The following LRMDA variants were observed in gnomAD, a reference collection of about 807,000 sequenced individuals.
LRMDA encodes the protein leucine-rich melanocyte differentiation-associated protein.
Under a neutral mutation model 29.8 loss-of-function variants are expected in LRMDA, and 18 were observed. The ratio of observed to expected loss-of-function variants is 0.60; its 90% CI spans 0.42 to 0.90. The LOEUF (loss-of-function observed/expected upper bound fraction) is 0.90, where lower values mean the gene tolerates loss of function less well. LRMDA is among the 40% of genes least tolerant of loss of function. The pLI is 0.00. For missense variants in LRMDA, 273 were observed against 273.9 expected (o/e 1.00, Z 0.02); for synonymous variants, 125 against 109.4 (o/e 1.14, Z -0.89).
chr10:76,365,423 T>A (rs1841381600), intron 6 of LRMDA, among the ~76,000 whole-genome samples: 12 of 152,154 alleles, frequency 7.9e-5, no homozygotes, highest in Admixed American at 7.9e-4. Flanking sequence ...GTTTTTTGAT[T>A]TTTTTATTAT....
chr10:75,998,239 T>C (rs2132466385), intron 2 of LRMDA, among the ~76,000 whole-genome samples: 1 of 152,326 alleles, frequency 6.6e-6, no homozygotes, highest in South Asian at 2.1e-4. Context: ...ATTCCTATTC[T>C]ATAGTATTTG....
intron 5 of LRMDA, among the ~76,000 whole-genome samples, chr10:76,287,254 C>A (rs185122067): frequency 1.3e-5 from 2 of 152,172 alleles, no homozygotes; most frequent in Admixed American, 1.3e-4. Flanking sequence ...TGGCTGTGGA[C>A]TATCTTTATT....
rs114994618 is a variant in LRMDA at position 76,238,249 on chromosome 10, C to T, written c.517-86152C>T. ...ATGGCACATGGTGCTTGTGGTGAGC[C>T]GGGGTTGAGTTAGACTTTAGCTATG... is the stretch of plus-strand genomic sequence containing the variant. On this transcript the variant is annotated intron_variant, in intron 5 of 6. Coordinates refer to ENST00000611255, the MANE Select transcript of LRMDA (RefSeq NM_001305581.2). 5.4e-3 allele frequency among the ~76,000 whole-genome samples: 825 copies of T among 152,100 alleles called. 14 individuals are homozygous for T. The highest frequency in any genetic ancestry group is 0.045 in the East Asian group (230 of 5,158).
At chr10:75,471,706 G>GC (rs1554892513) in intron 2 of LRMDA, among the ~76,000 whole-genome samples, 1 of 152,124 alleles carries the variant, frequency 6.6e-6, no homozygotes, top group Non-Finnish European at 1.5e-5. Flanking sequence ...TTTACCTCAT[G>GC]CTGACGTACT....
chr10:75,582,617 A>G (rs964284312), intron 2 of LRMDA, among the ~76,000 whole-genome samples: 64 of 152,310 alleles, frequency 4.2e-4, no homozygotes, highest in African/African-American at 1.4e-3. Context: ...GGCCTCTGAA[A>G]TGCTTTCAAG....
chr10:76,372,995 C>A (rs1841473043), intron 6 of LRMDA, among the ~76,000 whole-genome samples: 1 of 152,110 alleles, frequency 6.6e-6, no homozygotes, highest in African/African-American at 2.4e-5. Flanking sequence ...TGTAAGATTT[C>A]CAGCTCTTCA....
chr10:75,446,111 T>C (rs1215875280), intron 2 of LRMDA, among the ~76,000 whole-genome samples: 1 of 152,246 alleles, frequency 6.6e-6, no homozygotes. Context: ...CACACCATAC[T>C]TTCTGTGTCT....
In LRMDA at chr10:75,548,765, G is replaced by A. The variant is rs184226408; in HGVS notation, c.131+110271G>A. Among the ~76,000 whole-genome samples, 969 of 152,018 alleles carry A rather than the reference G, an allele frequency of 6.4e-3. 9 individuals are homozygous for A. Among genetic ancestry groups the A allele is most frequent in the African/African-American group, 0.021 (856 of 41,480 alleles). On this transcript the variant is annotated intron_variant, in intron 2 of 6. Coordinates refer to ENST00000611255, the MANE Select transcript of LRMDA (RefSeq NM_001305581.2). ...TATAAAAAAGATCTAAGTATCTGTC[G>A]GAAATATACATACTCGGGTTGTATA...
chr10:76,226,139 G>C (rs920631321), intron 5 of LRMDA, among the ~76,000 whole-genome samples: 2 of 152,070 alleles, frequency 1.3e-5, no homozygotes, highest in African/African-American at 4.8e-5. Flanking sequence ...ATTTATAAAG[G>C]AAAGAGATTT....
At chr10:75,722,418 T>C (rs1357380747) in intron 2 of LRMDA, among the ~76,000 whole-genome samples, 2 of 152,186 alleles carry the variant, frequency 1.3e-5, no homozygotes, top group Non-Finnish European at 2.9e-5. Flanking sequence ...ACAAAGTGTT[T>C]TAATAATAGA....
intron 2 of LRMDA, among the ~76,000 whole-genome samples, chr10:75,515,698 T>C (rs1845280872): frequency 6.6e-6 from 1 of 152,098 alleles, no homozygotes; most frequent in East Asian, 1.9e-4. Context: ...TATGTTTTTC[T>C]TTTTTCTTTT....
At chr10:75,460,275 T>A (rs1844569754) in intron 2 of LRMDA, among the ~76,000 whole-genome samples, 1 of 152,244 alleles carries the variant, frequency 6.6e-6, no homozygotes, top group Non-Finnish European at 1.5e-5. Context: ...TCTTCTAGTG[T>A]GTTAAAATTT....
intron 2 of LRMDA, among the ~76,000 whole-genome samples, chr10:75,589,192 G>A (rs934353073): frequency 6.6e-6 from 1 of 152,160 alleles, no homozygotes; most frequent in Admixed American, 6.5e-5. Context: ...GTACTCCTCA[G>A]GAGCTGAACT....
intron 4 of LRMDA, 105 bp downstream of exon 4, chr10:76,047,408 T>A (rs1443030214): frequency 1.4e-5 from 17 of 1,172,834 alleles, no homozygotes; most frequent in Non-Finnish European, 1.9e-5. Flanking sequence ...TACATATCAG[T>A]GGGTTTCCCA....
At chr10:75,434,173 C>T (rs1440519571) in intron 1 of LRMDA, among the ~76,000 whole-genome samples, 1 of 152,170 alleles carries the variant, frequency 6.6e-6, no homozygotes, top group Non-Finnish European at 1.5e-5. Context: ...AATTTGGGCA[C>T]TGAAATCTTG....
intron 2 of LRMDA, among the ~76,000 whole-genome samples, chr10:75,778,493 AG>A (rs1293648592): frequency 6.6e-6 from 1 of 152,196 alleles, no homozygotes; most frequent in African/African-American, 2.4e-5. Flanking sequence ...ATTGGAGGCC[AG>A]ATCCTGTCTT....
At chr10:76,481,088 T>C (rs576662221) in intron 6 of LRMDA, among the ~76,000 whole-genome samples, 23 of 152,046 alleles carry the variant, frequency 1.5e-4, no homozygotes, top group Non-Finnish European at 2.8e-4. Flanking sequence ...GATGTAAAGA[T>C]GGTCAATTTT....
chr10:75,861,076 G>T (rs111542187), intron 2 of LRMDA, among the ~76,000 whole-genome samples: 4 of 152,304 alleles, frequency 2.6e-5, no homozygotes, highest in South Asian at 2.1e-4. Context: ...TTTTCATTTT[G>T]GTCCAATGAC....
At chr10:75,877,560 G>A (rs1279666588) in intron 2 of LRMDA, among the ~76,000 whole-genome samples, 1 of 152,200 alleles carries the variant, frequency 6.6e-6, no homozygotes, top group Non-Finnish European at 1.5e-5. Flanking sequence ...GCAGTAAATT[G>A]AGTAGAACAT....
Sources: gnomAD v4.1 joint callset for allele counts (sites outside exome capture counted in the v4.1 genomes callset) on GRCh38, gnomAD v4.1.1 for gene constraint, MANE v1.5 for transcripts, NCBI Gene and HGNC (gene_info 2026-07-23, HGNC 2026-07-21) for gene names.